The following SLC22A25 variants were observed in gnomAD, a reference collection of about 807,000 sequenced individuals.
The protein encoded by SLC22A25 is MGI:2442751, MGI:2385316, MGI:3042283, MGI:3645714, MGI:3605624, MGI:2442750.
In SLC22A25, 44 loss-of-function variants were observed where a neutral mutation model predicts 45.9. The observed-to-expected ratio is 0.96, with a 90% CI of 0.75 to 1.23. The LOEUF is 1.23. Among genes scored for constraint, SLC22A25 ranks in the 50% most tolerant of loss-of-function variants. The pLI, the probability that SLC22A25 is intolerant of heterozygous loss-of-function variation, is 0.00. For synonymous variants in SLC22A25, 283 were observed against 238.6 expected, an observed-to-expected ratio of 1.19 and a Z score of -1.72; for missense variants, 800 against 666.4, an observed-to-expected ratio of 1.20 and a Z score of -2.21.
At chr11:63,200,722 C>G (rs949801837) in intron 7 of SLC22A25, among the ~76,000 whole-genome samples, 2 of 152,096 alleles carry the variant, frequency 1.3e-5, no homozygotes, top group African/African-American at 4.8e-5. Flanking sequence ...CAAACTATCC[C>G]TGTTCATAGA....
At chr11:63,183,667 C>A (rs1314264440) in intron 8 of SLC22A25, 27 bp downstream of exon 8, 2 of 1,612,028 alleles carry the variant, frequency 1.2e-6, no homozygotes, top group Non-Finnish European at 1.7e-6. Context: ...TTCCCAGCAT[C>A]CCATATCCAG....
At chr11:63,178,800 A>G (rs2088212107) in intron 9 of SLC22A25, among the ~76,000 whole-genome samples, 1 of 151,880 alleles carries the variant, frequency 6.6e-6, no homozygotes, top group Non-Finnish European at 1.5e-5. Context: ...GTTGTGCAGA[A>G]GATTTTTAGC....
At chr11:63,187,071 A>G (rs2088584668) in intron 7 of SLC22A25, among the ~76,000 whole-genome samples, 1 of 152,110 alleles carries the variant, frequency 6.6e-6, no homozygotes, top group Non-Finnish European at 1.5e-5. Flanking sequence ...GTTTTTTCCA[A>G]TTCTATGAAG....
At chr11:63,188,884 A>G (rs2088676049) in intron 7 of SLC22A25, among the ~76,000 whole-genome samples, 1 of 152,058 alleles carries the variant, frequency 6.6e-6, no homozygotes, top group Non-Finnish European at 1.5e-5. Context: ...CCTGAGTTCT[A>G]GTTTGATTGC....
chr11:63,185,859 C>A (rs1330281207), intron 7 of SLC22A25, among the ~76,000 whole-genome samples: 1 of 149,752 alleles, frequency 6.7e-6, no homozygotes, highest in Non-Finnish European at 1.5e-5. Context: ...CATGTCCCTA[C>A]AAAGGACGTG....
At chr11:63,225,344 TG>T in intron 5 of SLC22A25, among the ~76,000 whole-genome samples, 1 of 152,146 alleles carries the variant, frequency 6.6e-6, no homozygotes, top group African/African-American at 2.4e-5. Context: ...TCTCAGCCTT[TG>T]TTTGGGAAAC....
At position 63,187,987 on chromosome 11, in the gene SLC22A25, G is replaced by A. The variant is rs570838465; in HGVS notation, c.831-4170C>T. 2.6e-5 allele frequency among the ~76,000 whole-genome samples: 4 copies of A among 152,304 alleles called. No individual in the cohort carries two copies. In the East Asian group the frequency reaches 7.7e-4, roughly 29 times the overall value. On this transcript the variant is annotated intron_variant, in intron 7 of 11. Transcript: ENST00000306494. ...GATTTTTGCATCAAGGTTCATCAGG[G>A]ATATTGGTCTAAAATTCTCTTTTTT...
chr11:63,165,940 C>T, intron 10 of SLC22A25, 104 bp downstream of exon 10: 1 of 1,378,292 alleles, frequency 7.3e-7, no homozygotes, highest in Non-Finnish European at 9.8e-7. Context: ...ATCCTGAGAA[C>T]TCAATTCTCC....
rs1440533203 is a variant in SLC22A25, at chr11:63,159,135, C to T, written c.*4689G>A. Among the ~76,000 whole-genome samples, 2 of 152,166 alleles carry T rather than the reference C, an allele frequency of 1.3e-5. No homozygotes were observed. The highest frequency in any genetic ancestry group is 2.9e-5 in the Non-Finnish European group (2 of 68,032). On this transcript the variant is annotated 3_prime_UTR_variant, in exon 12 of 12. Coordinates refer to ENST00000306494, the MANE Select transcript of SLC22A25 (RefSeq NM_199352.6). Reference sequence around the variant, plus strand: ...AGTACTTCATTGTGTATATGTACCACATTTTCTTTATCAATTCATCTGCTG... The same window carrying T: ...AGTACTTCATTGTGTATATGTACCATATTTTCTTTATCAATTCATCTGCTG...
At chr11:63,230,977 AACTCATC>A (rs2090057347) in intron 3 of SLC22A25, among the ~76,000 whole-genome samples, 1 of 152,220 alleles carries the variant, frequency 6.6e-6, no homozygotes, top group African/African-American at 2.4e-5. Context: ...AAAGGACATG[AACTCATC>A]ATTTTTTATG....
In SLC22A25 at chr11:63,229,449, G is replaced by C; in HGVS notation, c.204C>G (p.Ser68Arg). The C allele has an allele frequency of 6.2e-7, 1 of 1,614,108 alleles. No homozygotes were observed. The highest frequency in any genetic ancestry group is 1.1e-5 in the South Asian group (1 of 91,076). The change falls in exon 4 of 12, where the codon AGC (serine) becomes AGG (arginine). Residue 68 changes from serine (S) to arginine (R), a missense_variant. Coordinates refer to ENST00000306494, the MANE Select transcript of SLC22A25 (RefSeq NM_199352.6). ...TGGAGATTCTCAGGAGGGCATCCTG[G>C]CTGAGGGTCCCAGGGTCATTGTCAG... Reference protein sequence around the residue: ...TIPDNDPGTLSQDALLRISIP... With the variant: ...TIPDNDPGTLRQDALLRISIP...
chr11:63,184,921 G>A (rs2088467058), intron 7 of SLC22A25, among the ~76,000 whole-genome samples: 1 of 151,856 alleles, frequency 6.6e-6, no homozygotes, highest in Admixed American at 6.6e-5. Flanking sequence ...CAGTAGTGAT[G>A]GCTGACATGA....
rs2087518934 is a variant in SLC22A25, at chr11:63,159,606, A to G, written c.*4218T>C. On this transcript the variant is annotated 3_prime_UTR_variant, in exon 12 of 12. Coordinates refer to ENST00000306494, the MANE Select transcript of SLC22A25 (RefSeq NM_199352.6). ...ACCCAGTCTCAGGTATGTCTTTATC[A>G]GCAGCATGAGAAATGGACTAATATA... 6.6e-6 allele frequency among the ~76,000 whole-genome samples: 1 copy of G among 152,204 alleles called. No individual in the cohort carries two copies.
intron 3 of SLC22A25, among the ~76,000 whole-genome samples, chr11:63,233,702 T>C (rs913577828): frequency 6.6e-6 from 1 of 152,208 alleles, no homozygotes; most frequent in Admixed American, 6.5e-5. Flanking sequence ...TGCTCTTGCT[T>C]CTCTAGTTCT....
At chr11:63,235,282 A>T (rs896106880) in intron 3 of SLC22A25, among the ~76,000 whole-genome samples, 4 of 152,218 alleles carry the variant, frequency 2.6e-5, no homozygotes, top group Non-Finnish European at 5.9e-5. Context: ...CAGGTACACC[A>T]GTTAGACGTA....
chr11:63,207,455 G>T (rs57536765), intron 7 of SLC22A25, among the ~76,000 whole-genome samples: 5,510 of 152,172 alleles, frequency 0.036, 335 homozygotes, highest in African/African-American at 0.13. Context: ...GTGGGTAAAG[G>T]ATATGACCAG....
intron 7 of SLC22A25, among the ~76,000 whole-genome samples, chr11:63,189,638 A>C (rs1438063440): frequency 3.9e-5 from 6 of 152,146 alleles, no homozygotes; most frequent in Non-Finnish European, 8.8e-5. Flanking sequence ...TCTTCCTAGC[A>C]TCGATGGTCT....
rs1478094134 is a variant in SLC22A25 at position 63,160,397 on chromosome 11, C to T, written c.*3427G>A. Reference sequence around the variant, plus strand: ...GGGTGCAAGCCCCAAGCCTTGACAGCTTCCATGTGGTGTTGAGCCTACAGG... The same window carrying T: ...GGGTGCAAGCCCCAAGCCTTGACAGTTTCCATGTGGTGTTGAGCCTACAGG... On this transcript the variant is annotated 3_prime_UTR_variant, in exon 12 of 12. Transcript: ENST00000306494. 6.6e-6 allele frequency among the ~76,000 whole-genome samples: 1 copy of T among 152,220 alleles called. No homozygotes were observed. Among genetic ancestry groups the T allele is most frequent in the Non-Finnish European group, 1.5e-5 (1 of 68,040 alleles).
In SLC22A25 at chr11:63,159,639, G is replaced by A. The variant is rs532084576; in HGVS notation, c.*4185C>T. ...GAGAAATGGACTAATATAGTAAATTGGTACTGATAGAGTGAAGTGCTTCTG... is the reference window on the plus strand; with the variant it reads ...GAGAAATGGACTAATATAGTAAATTAGTACTGATAGAGTGAAGTGCTTCTG... On this transcript the variant is annotated 3_prime_UTR_variant, in exon 12 of 12. Transcript: ENST00000306494. 6.6e-6 allele frequency among the ~76,000 whole-genome samples: 1 copy of A among 152,246 alleles called. No individual in the cohort carries two copies. Among genetic ancestry groups the A allele is most frequent in the Non-Finnish European group, 1.5e-5 (1 of 68,026 alleles).
Sources: gnomAD v4.1 joint callset for allele counts (sites outside exome capture counted in the v4.1 genomes callset) on GRCh38, gnomAD v4.1.1 for gene constraint, MANE v1.5 for transcripts, NCBI Gene and HGNC (gene_info 2026-07-23, HGNC 2026-07-21) for gene names.